Variants in FAT2 observed in about 807,000 individuals in gnomAD.
The protein encoded by FAT2 is protocadherin Fat 2.
Under a neutral mutation model 295.3 loss-of-function variants are expected in FAT2, and 150 were observed. That is an observed-to-expected ratio of 0.51 (90% confidence interval 0.44 to 0.58). The LOEUF (loss-of-function observed/expected upper bound fraction) is 0.58, where lower values mean the gene tolerates loss of function less well. Among genes scored for constraint, FAT2 ranks in the 20% least tolerant of loss-of-function variants. The pLI is 0.00. For missense variants in FAT2, 4,868 were observed against 5,442.7 expected (o/e 0.89, Z 3.32); for synonymous variants, 2,026 against 2,150.3 (o/e 0.94, Z 1.60).
At chr5:151,526,010 C>G (rs772903987) in intron 17 of FAT2, 45 bp from the exon 18 acceptor site, 1 of 1,587,138 alleles carries the variant, frequency 6.3e-7, no homozygotes, top group Non-Finnish European at 8.6e-7. Flanking sequence ...GAATGAGTCC[C>G]GGTCCTTCCT....
rs2127630900 is a variant in FAT2, at chr5:151,554,506, C to T, written c.3801G>A (p.Val1267=). ...TAAGACCCTCATCCAGGTCTGAAGC[C>T]ACCAGCCTGTACACAGGCCCAGGGG... ...PVSPGPVYRL[V]ASDLDEGLNG... is the part of the protein sequence containing the mutation. Residue 1267 remains valine (V), a synonymous_variant, in exon 5 of 24, where the codon GTG becomes GTA. Transcript: ENST00000261800. 1.2e-6 allele frequency: 2 copies of T among 1,614,198 alleles called. No individual in the cohort carries two copies. Among genetic ancestry groups the T allele is most frequent in the Non-Finnish European group, 1.7e-6 (2 of 1,180,026 alleles).
chr5:151,559,466 A>C (rs1757925768), intron 3 of FAT2, among the ~76,000 whole-genome samples: 1 of 152,068 alleles, frequency 6.6e-6, no homozygotes, highest in Non-Finnish European at 1.5e-5. Flanking sequence ...GAAGAGCACA[A>C]GGACTAGGGG....
chr5:151,537,932 G>A lies in FAT2; in HGVS notation c.9054C>T (p.Gly3018=), dbSNP rs746616346. The A allele has an allele frequency of 4.3e-6, 7 of 1,614,058 alleles. No individual in the cohort carries two copies. Among genetic ancestry groups the A allele is most frequent in the Admixed American group, 1.7e-5 (1 of 60,016 alleles). The change falls in exon 12 of 24, where the codon GGC becomes GGT. Residue 3018 remains glycine (G), a synonymous_variant. Coordinates refer to ENST00000261800, the MANE Select transcript of FAT2 (RefSeq NM_001447.3). The stretch of plus-strand genomic sequence containing the variant: ...CTGGAAATACATCTTCATGAACCTT[G>A]CCAGTATAGAGAAGCTAGAGATGGA... ...SPQCSQLLYT[G]KVHEDVFPGH... is the part of the protein sequence containing the mutation.
At chr5:151,533,497 A>G (rs979593797) in intron 13 of FAT2, among the ~76,000 whole-genome samples, 26 of 151,314 alleles carry the variant, frequency 1.7e-4, no homozygotes, top group African/African-American at 5.8e-4. Flanking sequence ...TAGAACCCCT[A>G]CATCCCTCGA....
At chr5:151,540,025 G>T (rs1323113973) in intron 11 of FAT2, among the ~76,000 whole-genome samples, 5 of 152,250 alleles carry the variant, frequency 3.3e-5, no homozygotes, top group African/African-American at 1.2e-4. Flanking sequence ...GTCTCTGTTG[G>T]TGTATTTGAT....
Position 151,586,945 on chromosome 5 carries a change from A to G in FAT2, c.-21+4220T>C, listed in dbSNP as rs538299385. ...CACTTGAGGTCAGGAGTTCAAGACCAGCCTGGGGCAACATGGTGAAACCCT... is the reference window on the plus strand; with the variant it reads ...CACTTGAGGTCAGGAGTTCAAGACCGGCCTGGGGCAACATGGTGAAACCCT... On this transcript the variant is annotated intron_variant, in intron 1 of 23. Transcript: ENST00000261800. 4.1e-4 allele frequency among the ~76,000 whole-genome samples: 62 copies of G among 152,282 alleles called. 1 individual carries two copies. In the East Asian group the frequency reaches 0.011, roughly 27 times the overall value.
intron 13 of FAT2, among the ~76,000 whole-genome samples, chr5:151,533,160 A>G (rs1754839468): frequency 6.6e-6 from 1 of 152,128 alleles, no homozygotes; most frequent in Non-Finnish European, 1.5e-5. Context: ...CCACTTGATA[A>G]TGGCCTGAGG....
At position 151,566,709 on chromosome 5, in the gene FAT2, G is replaced by A. The variant is rs201221295; in HGVS notation, c.2223C>T (p.Asp741=). The change falls in exon 2 of 24, where the codon GAC becomes GAT. Residue 741 remains aspartate, a synonymous_variant. Coordinates refer to ENST00000261800, the MANE Select transcript of FAT2 (RefSeq NM_001447.3). ...GTTTGCCATTAAAACCAGCATCAGG[G>A]TCAGTGGCTGCTAGGCGGGCCAAGG... ...NTPLARLAAT[D]PDAGFNGKLV... 4.3e-6 allele frequency: 7 copies of A among 1,614,162 alleles called. No individual in the cohort carries two copies. The highest frequency in any genetic ancestry group is 4.0e-5 in the African/African-American group (3 of 75,054).
Position 151,582,118 on chromosome 5 carries a change from ACCTGACTGCAGAG to A in FAT2, c.-21+9034_-21+9046del, listed in dbSNP as rs375718256. 1.0e-3 allele frequency among the ~76,000 whole-genome samples: 159 copies of A among 152,312 alleles called. 1 individual carries two copies. The highest frequency in any genetic ancestry group is 3.7e-3 in the African/African-American group (154 of 41,582). The stretch of plus-strand genomic sequence containing the variant: ...CCAGTCCTGCTGCTGAGCTGGCTGA[ACCTGACTGCAGAG>A]CCAAGGCACGAGAGAGGTCAGAGAT... On this transcript the variant is annotated intron_variant, in intron 1 of 23. Coordinates refer to ENST00000261800, the MANE Select transcript of FAT2 (RefSeq NM_001447.3).
intron 13 of FAT2, 51 bp from the exon 14 acceptor site, chr5:151,532,021 C>T (rs2127592153): frequency 6.3e-7 from 1 of 1,592,774 alleles, no homozygotes; most frequent in Non-Finnish European, 8.6e-7. Context: ...CTCCTCTGGA[C>T]CTGCCTGCAG....
Position 151,544,119 on chromosome 5 carries a change from T to C in FAT2, c.7008A>G (p.Glu2336=). The change falls in exon 10 of 24, where the codon GAA becomes GAG. Residue 2336 remains glutamate, a synonymous_variant. Coordinates refer to ENST00000261800, the MANE Select transcript of FAT2 (RefSeq NM_001447.3). The part of the protein sequence containing the change: ...GSTGEMSTVQ[E]LDYEAQQHFH... ...AGTGTTGTTGGGCTTCATAATCCAG[T>C]TCTTGAACTGTGGACATCTCCCCTG... 1 of 1,614,200 alleles carries C rather than the reference T, an allele frequency of 6.2e-7. No homozygotes were observed. The highest frequency in any genetic ancestry group is 8.5e-7 in the Non-Finnish European group (1 of 1,180,026).
At position 151,506,247 on chromosome 5, in the gene FAT2, G is replaced by A. The variant is rs555486145; in HGVS notation, c.12518-150C>T. The A allele has an allele frequency of 8.8e-5, 69 of 781,958 alleles. No individual in the cohort carries two copies. In the South Asian group the frequency reaches 1.3e-3, roughly 15 times the overall value. 48.4% of individuals were successfully genotyped at this position (781,958 alleles called of 1,614,324 possible). On this transcript the variant is annotated intron_variant, in intron 23 of 23. Coordinates refer to ENST00000261800, the MANE Select transcript of FAT2 (RefSeq NM_001447.3). Reference sequence around the variant, plus strand: ...GTGCAGGTTGTCTCTGTTGGCTTACGTTGATAACATAGAATCCAATGGGAC... The same window carrying A: ...GTGCAGGTTGTCTCTGTTGGCTTACATTGATAACATAGAATCCAATGGGAC...
rs201678690 is a variant in FAT2, at chr5:151,545,877, A to G, written c.5250T>C (p.Asp1750=). 9.9e-6 allele frequency: 16 copies of G among 1,614,212 alleles called. No homozygotes were observed. Among genetic ancestry groups the G allele is most frequent in the Non-Finnish European group, 1.4e-5 (16 of 1,180,044 alleles). The change falls in exon 10 of 24, where the codon GAT becomes GAC. Residue 1750 remains aspartate (D), a synonymous_variant. Coordinates refer to ENST00000261800, the MANE Select transcript of FAT2 (RefSeq NM_001447.3). The stretch of plus-strand genomic sequence containing the variant: ...AGAACATAGGAGCATTGTCATTTTC[A>G]TCAATTATGTCAACCACCACCATGA... ...TDVMVVVDII[D]ENDNAPMFLK...
chr5:151,505,322 C>G lies in FAT2; in HGVS notation c.*243G>C. On this transcript the variant is annotated 3_prime_UTR_variant, in exon 24 of 24. Coordinates refer to ENST00000261800, the MANE Select transcript of FAT2 (RefSeq NM_001447.3). ...AATTGTTCCTGGTTTTCCAGGGTCA[C>G]TGCTCTAGAAATGCCCCTCTCCTGG... 1 of 564,426 alleles carries G rather than the reference C, an allele frequency of 1.8e-6. No individual in the cohort carries two copies. The highest frequency in any genetic ancestry group is 3.1e-6 in the Non-Finnish European group (1 of 323,802). 35.0% of individuals were successfully genotyped at this position (564,426 alleles called of 1,614,324 possible). A position where few individuals can be genotyped will look rare whatever the true frequency, so the allele number is the denominator to read the frequency against.
chr5:151,538,117 A>G (rs1325824494), intron 11 of FAT2, among the ~76,000 whole-genome samples, 171 bp from the exon 12 acceptor site: 1 of 152,130 alleles, frequency 6.6e-6, no homozygotes, highest in African/African-American at 2.4e-5. Context: ...AGAGAAGCAG[A>G]GAGAGGGAGG....
intron 13 of FAT2, 94 bp from the exon 14 acceptor site, chr5:151,532,064 G>A (rs1754689212): frequency 2.0e-6 from 3 of 1,504,300 alleles, no homozygotes; most frequent in African/African-American, 2.8e-5. Flanking sequence ...GGCTGGGGAG[G>A]GGCTCCCATG....
At chr5:151,513,160 T>C (rs1057110591) in intron 20 of FAT2, among the ~76,000 whole-genome samples, 20 of 152,184 alleles carry the variant, frequency 1.3e-4, no homozygotes, top group Non-Finnish European at 1.0e-4. Context: ...AATGCAGAAG[T>C]AAATATGAGA....
rs1414684397 is a variant in FAT2 at position 151,567,592 on chromosome 5, T to A, written c.1340A>T (p.Asp447Val). The change falls in exon 2 of 24, where the codon GAC (aspartate) becomes GTC (valine). Residue 447 changes from aspartate (D) to valine (V), a missense_variant. By Grantham distance (152) the Asp-to-Val change is radical (BLOSUM62 -3). Around this residue, in one of 5 missense-constraint regions of FAT2, gnomAD observed 3,297 missense variants for 3,669.4 expected, o/e 0.90. Coordinates refer to ENST00000261800, the MANE Select transcript of FAT2 (RefSeq NM_001447.3). Reference sequence around the variant, plus strand: ...GGCATGGTTGTTGCAGTCCACAATGTCAATGACCACCACGGTGGAGGCCTG... The same window carrying A: ...GGCATGGTTGTTGCAGTCCACAATGACAATGACCACCACGGTGGAGGCCTG... The part of the protein sequence containing the change: ...PGQASTVVVI[D>V]IVDCNNHAPL... 1.2e-6 allele frequency: 2 copies of A among 1,614,024 alleles called. No individual in the cohort carries two copies. Among genetic ancestry groups the A allele is most frequent in the Admixed American group, 3.3e-5 (2 of 59,998 alleles).
At position 151,534,363 on chromosome 5, in the gene FAT2, G is replaced by T. The variant is rs1277658805; in HGVS notation, c.9427+46C>A. ...AGGGGACCAAACCCTTGCCCAAGGT[G>T]ACCCAGGAGATCATTGGAAATGGCC... On this transcript the variant is annotated intron_variant, in intron 13 of 23. Coordinates refer to ENST00000261800, the MANE Select transcript of FAT2 (RefSeq NM_001447.3). The T allele has an allele frequency of 1.0e-5, 15 of 1,478,100 alleles. No homozygotes were observed. The East Asian group carries it at 1.2e-4, about 12-fold the overall frequency. The allele number at this position is 1,478,100 out of a possible 1,614,324, so 91.6% of individuals were successfully genotyped here. A position where few individuals can be genotyped will look rare whatever the true frequency, so the allele number is the denominator to read the frequency against.
Sources: allele counts gnomAD v4.1 joint callset (sites outside exome capture counted in the v4.1 genomes callset), GRCh38; gene constraint gnomAD v4.1.1; regional missense constraint gnomAD v4.1.1; transcripts MANE v1.5; gene names NCBI Gene and HGNC (gene_info 2026-07-23, HGNC 2026-07-21).